Variants in SIPA1L2 observed in about 807,000 individuals in gnomAD.
SIPA1L2 encodes signal-induced proliferation-associated 1-like protein 2.
A neutral mutation model predicts 163.9 loss-of-function variants in SIPA1L2; 56 were observed. The observed-to-expected ratio is 0.34, with a 90% CI of 0.28 to 0.43. The LOEUF (loss-of-function observed/expected upper bound fraction) is 0.43, where lower values mean the gene tolerates loss of function less well. Ranked by LOEUF, SIPA1L2 falls within the 20% of genes least tolerant of loss-of-function variation. SIPA1L2 has a pLI of 1.00. For synonymous variants in SIPA1L2, 877 were observed against 865.7 expected, an observed-to-expected ratio of 1.01 and a Z score of -0.23; for missense variants, 1,974 against 2,193.5, an observed-to-expected ratio of 0.90 and a Z score of 2.00.
intron 3 of SIPA1L2, among the ~76,000 whole-genome samples, chr1:232,505,381 C>T (rs182827152): frequency 1.3e-5 from 2 of 152,250 alleles, no homozygotes; most frequent in East Asian, 3.9e-4. Flanking sequence ...CTTACTGTAC[C>T]AGCAGCAAAA....
rs997456576 is a variant in SIPA1L2 at position 232,468,459 on chromosome 1, T to C, written c.2243+2912A>G. Among the ~76,000 whole-genome samples, 3 of 152,190 alleles carry C rather than the reference T, an allele frequency of 2.0e-5. No homozygotes were observed. In the South Asian group the frequency reaches 6.2e-4, roughly 32 times the overall value. On this transcript the variant is annotated intron_variant, in intron 8 of 22. Transcript: ENST00000674635. ...CCAGCTCTACCACCTCCTGAGTGAC[T>C]GAGCTAACTACACTAATCCTTCAGT...
chr1:232,415,573 A>G lies in SIPA1L2; in HGVS notation c.4683T>C (p.Asp1561=). ...GSLSDKSKCA[D]PGLMPLPDTA... The stretch of plus-strand genomic sequence containing the variant: ...TGTCCGGGAGGGGCATCAGGCCAGG[A>G]TCTGCGCACTTGGACTTATCTGATA... The change falls in exon 19 of 23, where the codon GAT becomes GAC. Residue 1561 remains aspartate (D), a synonymous_variant. Transcript: ENST00000674635. 6.2e-7 allele frequency: 1 copy of G among 1,614,022 alleles called. No individual in the cohort carries two copies. Among genetic ancestry groups the G allele is most frequent in the Non-Finnish European group, 8.5e-7 (1 of 1,179,956 alleles).
intron 1 of SIPA1L2, among the ~76,000 whole-genome samples, chr1:232,594,522 CCAGA>C (rs1431090422): frequency 1.3e-5 from 2 of 152,086 alleles, no homozygotes; most frequent in Non-Finnish European, 2.9e-5. Flanking sequence ...GTAGCTATGG[CCAGA>C]CAGTTTTTAT....
At chr1:232,476,382 A>G (rs1394314461) in intron 7 of SIPA1L2, among the ~76,000 whole-genome samples, 5 of 152,288 alleles carry the variant, frequency 3.3e-5, no homozygotes, top group African/African-American at 9.6e-5. Context: ...TTACGCATAC[A>G]TTAAAAAATA....
At chr1:232,546,647 C>T (rs144354965) in intron 2 of SIPA1L2, among the ~76,000 whole-genome samples, 2 of 152,294 alleles carry the variant, frequency 1.3e-5, no homozygotes, top group East Asian at 1.9e-4. Context: ...CAGTTCATTC[C>T]GTCCATCGAC....
intron 3 of SIPA1L2, among the ~76,000 whole-genome samples, chr1:232,501,871 A>G (rs1666498964): frequency 6.6e-6 from 1 of 152,030 alleles, no homozygotes; most frequent in African/African-American, 2.4e-5. Context: ...CTCTCAATCT[A>G]CTAGGAGTGG....
At chr1:232,455,769 C>T (rs987794779) in intron 10 of SIPA1L2, among the ~76,000 whole-genome samples, 8 of 150,790 alleles carry the variant, frequency 5.3e-5, no homozygotes, top group Admixed American at 1.3e-4. Flanking sequence ...ACTATACAGC[C>T]ATAAAAAGAA....
At chr1:232,447,677 A>T (rs571676024) in intron 10 of SIPA1L2, among the ~76,000 whole-genome samples, 1 of 152,160 alleles carries the variant, frequency 6.6e-6, no homozygotes, top group Non-Finnish European at 1.5e-5. Flanking sequence ...TCCAATATTC[A>T]TGGTTTTGGT....
At chr1:232,496,387 T>C (rs987404559) in intron 3 of SIPA1L2, among the ~76,000 whole-genome samples, 9 of 152,200 alleles carry the variant, frequency 5.9e-5, no homozygotes, top group Non-Finnish European at 1.3e-4. Context: ...TGCACAATGA[T>C]GAAATTGCCT....
intron 21 of SIPA1L2, 139 bp downstream of exon 21, chr1:232,403,309 C>A: frequency 8.7e-7 from 1 of 1,147,184 alleles, no homozygotes; most frequent in Non-Finnish European, 1.2e-6. Context: ...CACTCAGTCC[C>A]TTCTCTGGAT....
chr1:232,537,108 C>T (rs989238636), intron 2 of SIPA1L2, among the ~76,000 whole-genome samples: 4 of 152,204 alleles, frequency 2.6e-5, no homozygotes, highest in African/African-American at 7.2e-5. Flanking sequence ...TGGTGGTTTG[C>T]ATCTGTAGTC....
At chr1:232,409,368 A>G (rs1660820429) in intron 19 of SIPA1L2, among the ~76,000 whole-genome samples, 1 of 152,160 alleles carries the variant, frequency 6.6e-6, no homozygotes, top group African/African-American at 2.4e-5. Flanking sequence ...TGTTAATTCA[A>G]TCTTACTGAT....
chr1:232,574,287 G>A (rs1659959988), intron 1 of SIPA1L2, among the ~76,000 whole-genome samples, 65 bp from the exon 2 acceptor site: 1 of 152,188 alleles, frequency 6.6e-6, no homozygotes, highest in East Asian at 1.9e-4. Flanking sequence ...GTTTCAACAT[G>A]TGGTCTGAGG....
intron 6 of SIPA1L2, among the ~76,000 whole-genome samples, chr1:232,483,196 G>C (rs929358808): frequency 6.6e-6 from 1 of 151,840 alleles, no homozygotes; most frequent in African/African-American, 2.4e-5. Context: ...CAGCTAGTAG[G>C]TGTCCCACTC....
intron 1 of SIPA1L2, among the ~76,000 whole-genome samples, chr1:232,620,462 A>C (rs971276549): frequency 3.9e-5 from 6 of 152,184 alleles, no homozygotes; most frequent in Admixed American, 3.9e-4. Flanking sequence ...GTGTCTCTTG[A>C]AACTCTCCTA....
chr1:232,560,815 T>C (rs1451209343), intron 2 of SIPA1L2, among the ~76,000 whole-genome samples: 2 of 152,198 alleles, frequency 1.3e-5, no homozygotes, highest in African/African-American at 4.8e-5. Context: ...AACGCCAAGA[T>C]GTAAAACTTG....
In SIPA1L2 at chr1:232,491,022, G is replaced by A. The variant is rs749396027; in HGVS notation, c.1658C>T (p.Pro553Leu). The change falls in exon 5 of 23, where the codon CCC becomes CTC. Residue 553 changes from proline (P) to leucine (L), a missense_variant. By Grantham distance (98) the Pro-to-Leu change is moderately conservative. This residue lies in a region of SIPA1L2 where 288 missense variants were observed against 418.9 expected (regional missense o/e 0.69). Coordinates refer to ENST00000674635, the MANE Select transcript of SIPA1L2 (RefSeq NM_020808.5). Reference protein sequence around the residue: ...LRGAILEDAIPSTARHGTARG... With the variant: ...LRGAILEDAILSTARHGTARG... ...TGCGGTACCATGCCTAGCAGTAGAGGGTATAGCATCTTCTAAAATTGCTCC... is the reference window on the plus strand; with the variant it reads ...TGCGGTACCATGCCTAGCAGTAGAGAGTATAGCATCTTCTAAAATTGCTCC... The A allele has an allele frequency of 1.2e-6, 2 of 1,613,818 alleles. No individual in the cohort carries two copies. The highest frequency in any genetic ancestry group is 1.7e-6 in the Non-Finnish European group (2 of 1,179,924).
intron 8 of SIPA1L2, among the ~76,000 whole-genome samples, chr1:232,467,930 A>G (rs1212563074): frequency 6.6e-6 from 1 of 152,228 alleles, no homozygotes; most frequent in East Asian, 1.9e-4. Flanking sequence ...TTTTTTGTGT[A>G]TCCAATTATA....
chr1:232,463,047 C>G (rs1401269718), intron 9 of SIPA1L2, among the ~76,000 whole-genome samples: 1 of 151,956 alleles, frequency 6.6e-6, no homozygotes, highest in South Asian at 2.1e-4. Flanking sequence ...TGTGGGGCCA[C>G]AAGAAAAATC....
Sources: allele counts gnomAD v4.1 joint callset (sites outside exome capture counted in the v4.1 genomes callset), GRCh38; gene constraint gnomAD v4.1.1; regional missense constraint gnomAD v4.1.1; transcripts MANE v1.5; gene names NCBI Gene and HGNC (gene_info 2026-07-23, HGNC 2026-07-21).